Variants in DPP10 observed in about 807,000 individuals in gnomAD.
The protein encoded by DPP10 is dipeptidyl peptidase like 10.
A neutral mutation model predicts 120.9 loss-of-function variants in DPP10; 33 were observed. The observed-to-expected ratio is 0.27, with a 90% confidence interval of 0.21 to 0.37. The LOEUF is 0.37. DPP10 is among the 10% of genes least tolerant of loss of function. The probability of loss-of-function intolerance (pLI) is 1.00; values close to 1 mark genes in which losing one functional copy is unlikely to be tolerated. For synonymous variants in DPP10, 337 were observed against 326.1 expected, an observed-to-expected ratio of 1.03 and a Z score of -0.36; for missense variants, 816 against 942.8, an observed-to-expected ratio of 0.87 and a Z score of 1.76.
chr2:115,445,726 G>T (rs907934346), intron 3 of DPP10, among the ~76,000 whole-genome samples: 35 of 152,158 alleles, frequency 2.3e-4, no homozygotes, highest in African/African-American at 8.0e-4. Context: ...TGGTAGAAAA[G>T]AAAAACCCAT....
intron 5 of DPP10, among the ~76,000 whole-genome samples, chr2:115,637,011 A>G (rs978868485): frequency 1.3e-4 from 20 of 152,316 alleles, no homozygotes; most frequent in African/African-American, 4.8e-4. Flanking sequence ...AATAGCTTAA[A>G]ATTCTGTACC....
At chr2:115,110,169 C>T (rs2049143891) in intron 1 of DPP10, among the ~76,000 whole-genome samples, 1 of 152,202 alleles carries the variant, frequency 6.6e-6, no homozygotes, top group Non-Finnish European at 1.5e-5. Flanking sequence ...CTTCTCACTT[C>T]AGTTTCTCCA....
At chr2:115,306,935 CTT>C (rs1414860721) in intron 1 of DPP10, among the ~76,000 whole-genome samples, 1 of 151,994 alleles carries the variant, frequency 6.6e-6, no homozygotes, top group Non-Finnish European at 1.5e-5. Flanking sequence ...GTCCAAATAA[CTT>C]ATTGATTTAT....
At position 114,466,994 on chromosome 2, in the gene DPP10, T is replaced by C. The variant is rs573819291; in HGVS notation, c.60+24156T>C. ...AAGGCGGAAGTCACAGTGAGCAAGA[T>C]AGAGCCACTGCCTCCCAGGGCGAGA... On this transcript the variant is annotated intron_variant, in intron 1 of 25. Transcript: ENST00000410059. Among the ~76,000 whole-genome samples, 6 of 141,984 alleles carry C rather than the reference T, an allele frequency of 4.2e-5. No individual in the cohort carries two copies. The South Asian group carries it at 6.5e-4, about 15-fold the overall frequency. 93.1% of individuals were successfully genotyped at this position (141,984 alleles called of 152,430 possible).
chr2:115,799,186 C>T (rs921857774), intron 19 of DPP10, among the ~76,000 whole-genome samples: 2 of 151,972 alleles, frequency 1.3e-5, no homozygotes, highest in Non-Finnish European at 2.9e-5. Context: ...TGTGTCTGCG[C>T]CACTATGACA....
In DPP10 at chr2:114,834,654, G is replaced by GTA. The variant is rs1217912064; in HGVS notation, c.60+391825_60+391826dup. On this transcript the variant is annotated intron_variant, in intron 1 of 25. Coordinates refer to ENST00000410059, the MANE Select transcript of DPP10 (RefSeq NM_020868.6). ...ATATAAGCCATATCTACACACCTAT[G>GTA]TATATATATAGGCCATATCTACACA... Among the ~76,000 whole-genome samples, 34 of 114,294 alleles carry GTA rather than the reference G, an allele frequency of 3.0e-4. 4 individuals carry two copies. Among genetic ancestry groups the GTA allele is most frequent in the Non-Finnish European group, 5.7e-4 (32 of 56,584 alleles). 75.0% of individuals were successfully genotyped at this position (114,294 alleles called of 152,430 possible). A position where few individuals can be genotyped will look rare whatever the true frequency, so the allele number is the denominator to read the frequency against.
intron 1 of DPP10, among the ~76,000 whole-genome samples, chr2:115,016,782 C>T (rs528355137): frequency 1.3e-5 from 2 of 152,118 alleles, no homozygotes; most frequent in Admixed American, 6.6e-5. Flanking sequence ...GCACTATTCA[C>T]GATGGCAAAG....
intron 1 of DPP10, among the ~76,000 whole-genome samples, chr2:114,804,922 G>C (rs1684588277): frequency 6.6e-6 from 1 of 152,098 alleles, no homozygotes; most frequent in Non-Finnish European, 1.5e-5. Context: ...GATATAGTTT[G>C]GCTGCGTCCC....
intron 21 of DPP10, among the ~76,000 whole-genome samples, chr2:115,825,351 A>C (rs1354557418): frequency 6.6e-6 from 1 of 152,142 alleles, no homozygotes; most frequent in African/African-American, 2.4e-5. Flanking sequence ...ACTGGAAAAC[A>C]CTATTCCCTC....
intron 5 of DPP10, among the ~76,000 whole-genome samples, chr2:115,560,003 G>A (rs931546427): frequency 2.0e-5 from 3 of 151,982 alleles, no homozygotes; most frequent in African/African-American, 7.3e-5. Context: ...CCTTTCTCCT[G>A]TGTGAACTAG....
intron 1 of DPP10, among the ~76,000 whole-genome samples, chr2:115,217,083 T>C (rs1559257087): frequency 1.3e-5 from 2 of 152,222 alleles, no homozygotes; most frequent in East Asian, 3.9e-4. Context: ...AATTCACATA[T>C]TAATTTCTCA....
At chr2:115,445,045 T>G (rs781683118) in intron 3 of DPP10, among the ~76,000 whole-genome samples, 3 of 152,230 alleles carry the variant, frequency 2.0e-5, no homozygotes, top group Non-Finnish European at 4.4e-5. Flanking sequence ...TGAGTTCTTA[T>G]GAGATCTGAT....
At chr2:114,593,516 G>T (rs921621048) in intron 1 of DPP10, among the ~76,000 whole-genome samples, 1 of 152,040 alleles carries the variant, frequency 6.6e-6, no homozygotes, top group African/African-American at 2.4e-5. Context: ...CTAAATCCCC[G>T]CAAATCTCCC....
intron 1 of DPP10, chr2:115,050,045 C>A (rs1705357248): frequency 1.3e-5 from 2 of 151,884 alleles, no homozygotes; most frequent in South Asian, 4.1e-4. Context: ...TCCAAAAGGG[C>A]AAAAAGGGCA....
rs1575981636 is a variant in DPP10, at chr2:115,845,019, A to C, written c.*2674A>C. On this transcript the variant is annotated 3_prime_UTR_variant, in exon 26 of 26. Coordinates refer to ENST00000410059, the MANE Select transcript of DPP10 (RefSeq NM_020868.6). ...TGTGCCTTTTTTTAATTGGGTGTTT[A>C]GCATAAAAATCACTATTGGGGATCT... The C allele has an allele frequency of 1.3e-5, 2 of 152,312 alleles. No individual in the cohort carries two copies. Among genetic ancestry groups the C allele is most frequent in the South Asian group, 4.1e-4 (2 of 4,824 alleles). The allele number at this position is 152,312 out of a possible 1,614,324, so 9.4% of individuals were successfully genotyped here.
intron 1 of DPP10, among the ~76,000 whole-genome samples, chr2:114,675,342 G>A (rs774391048): frequency 3.9e-5 from 6 of 152,138 alleles, no homozygotes; most frequent in Non-Finnish European, 8.8e-5. Context: ...AGAAATAGAT[G>A]TCTTTTGTAA....
At chr2:115,136,146 A>T (rs1159212329) in intron 1 of DPP10, among the ~76,000 whole-genome samples, 1 of 139,370 alleles carries the variant, frequency 7.2e-6, no homozygotes, top group Non-Finnish European at 1.5e-5. Flanking sequence ...ACAAAACAGC[A>T]GCTACCTGGT....
At chr2:115,659,628 T>C (rs1052557365) in intron 5 of DPP10, among the ~76,000 whole-genome samples, 31 of 152,328 alleles carry the variant, frequency 2.0e-4, no homozygotes, top group Admixed American at 3.9e-4. Flanking sequence ...GAGTCAGTGC[T>C]TTCATGGTAT....
chr2:115,441,704 A>G (rs2072061808), intron 3 of DPP10, among the ~76,000 whole-genome samples: 2 of 152,140 alleles, frequency 1.3e-5, no homozygotes. Flanking sequence ...TTTAGACTGC[A>G]TACATGTGGA....
Sources: gnomAD v4.1 joint callset for allele counts (sites outside exome capture counted in the v4.1 genomes callset) on GRCh38, gnomAD v4.1.1 for gene constraint, MANE v1.5 for transcripts, NCBI Gene and HGNC (gene_info 2026-07-23, HGNC 2026-07-21) for gene names.